The following ATG2B variants were observed in gnomAD, a reference collection of about 807,000 sequenced individuals.
The protein encoded by ATG2B is autophagy-related protein 2 homolog B.
Under a neutral mutation model 241.3 loss-of-function variants are expected in ATG2B, and 121 were observed. The ratio of observed to expected loss-of-function variants is 0.50; its 90% CI spans 0.43 to 0.58. ATG2B has a LOEUF of 0.58. Among genes scored for constraint, ATG2B ranks in the 20% least tolerant of loss-of-function variants. The pLI is 0.00. For missense variants in ATG2B, 2,306 were observed against 2,491.6 expected, an observed-to-expected ratio of 0.93 and a Z score of 1.59; for synonymous variants, 858 against 876.6, an observed-to-expected ratio of 0.98 and a Z score of 0.37.
intron 1 of ATG2B, among the ~76,000 whole-genome samples, chr14:96,348,593 G>T (rs969793999): frequency 2.0e-5 from 3 of 151,216 alleles, no homozygotes; most frequent in Admixed American, 2.0e-4. Flanking sequence ...TGAAACAAAA[G>T]AATCACTTGG....
intron 4 of ATG2B, among the ~76,000 whole-genome samples, chr14:96,344,042 G>A (rs1477247823): frequency 6.6e-6 from 1 of 152,292 alleles, no homozygotes; most frequent in Admixed American, 6.5e-5. Context: ...ATTAACACAC[G>A]GGTGACCAGT....
intron 21 of ATG2B, 138 bp from the exon 22 acceptor site, chr14:96,315,721 T>C: frequency 1.5e-6 from 1 of 657,486 alleles, no homozygotes; most frequent in African/African-American, 1.8e-5. Context: ...AAAACCAGCA[T>C]GGCATTAATA....
chr14:96,321,198 T>C (rs530948969), intron 18 of ATG2B, among the ~76,000 whole-genome samples: 37 of 152,096 alleles, frequency 2.4e-4, no homozygotes, highest in Non-Finnish European at 4.6e-4. Context: ...ATTACTAACA[T>C]TTAAGGAATA....
chr14:96,345,300 TG>T lies in ATG2B; in HGVS notation c.410del (p.Thr137LysfsTer25). The T allele has an allele frequency of 2.5e-6, 4 of 1,613,522 alleles. No individual in the cohort carries two copies. Among genetic ancestry groups the T allele is most frequent in the Non-Finnish European group, 3.4e-6 (4 of 1,179,630 alleles). ...LAKECLSQKL[T>X]DEQGEGSQPF... ...GCTGGGATCCTTCTCCTTGTTCATC[TG>T]TTAGTTTCTGGCTAAGACATTCTTT... On this transcript the variant is annotated frameshift_variant, in exon 3 of 42. Transcript: ENST00000359933. LOFTEE classifies it high-confidence loss of function.
At chr14:96,292,234 T>TTC (rs1886505708) in intron 36 of ATG2B, 136 bp from the exon 37 acceptor site, 2 of 518,286 alleles carry the variant, frequency 3.9e-6, no homozygotes, top group East Asian at 6.3e-5. Context: ...AAGAACTAAA[T>TTC]AAAAGAGAAT....
At chr14:96,291,556 C>A (rs750265101) in intron 38 of ATG2B, 44 bp downstream of exon 38, 13 of 1,435,498 alleles carry the variant, frequency 9.1e-6, no homozygotes, top group Non-Finnish European at 1.1e-5. Flanking sequence ...TGTACACTAA[C>A]TTTGATAACT....
At chr14:96,345,428 TACA>T (rs762777939) in intron 2 of ATG2B, 43 bp from the exon 3 acceptor site, 12 of 1,426,910 alleles carry the variant, frequency 8.4e-6, no homozygotes, top group Non-Finnish European at 1.1e-5. Context: ...TCTTAAGAGT[TACA>T]ACAATGCCAG....
chr14:96,308,868 G>A (rs1316010211), intron 29 of ATG2B, among the ~76,000 whole-genome samples: 1 of 152,068 alleles, frequency 6.6e-6, no homozygotes, highest in South Asian at 2.1e-4. Context: ...AATCACCTGG[G>A]TCCCTCTTTG....
At chr14:96,303,867 T>C (rs952825758) in intron 32 of ATG2B, among the ~76,000 whole-genome samples, 8 of 152,206 alleles carry the variant, frequency 5.3e-5, no homozygotes, top group African/African-American at 1.9e-4. Context: ...AAAATTATTA[T>C]CTTGCATACC....
rs367825018 is a variant in ATG2B, at chr14:96,322,144, A to G, written c.2847T>C (p.Pro949=). Residue 949 remains proline (P), a synonymous_variant, in exon 18 of 42, where the codon CCT becomes CCC. Coordinates refer to ENST00000359933, the MANE Select transcript of ATG2B (RefSeq NM_018036.7). ...AAAGCTTCTCATAAAAGCTCTTATTAGGTAGTGTTACATAAATATTTGGTA... is the reference window on the plus strand; with the variant it reads ...AAAGCTTCTCATAAAAGCTCTTATTGGGTAGTGTTACATAAATATTTGGTA... ...LTLPNIYVTL[P]NKSFYEKLYN... 5.8e-6 allele frequency: 9 copies of G among 1,562,578 alleles called. No homozygotes were observed. The African/African-American group carries it at 8.4e-5, about 15-fold the overall frequency.
In ATG2B at chr14:96,283,180, G is replaced by A. The variant is rs1180280202; in HGVS notation, c.*2575C>T. 6.6e-6 allele frequency: 1 copy of A among 152,172 alleles called. No homozygotes were observed. Among genetic ancestry groups the A allele is most frequent in the Non-Finnish European group, 1.5e-5 (1 of 68,088 alleles). 9.4% of individuals were successfully genotyped at this position (152,172 alleles called of 1,614,324 possible). On this transcript the variant is annotated 3_prime_UTR_variant, in exon 42 of 42. Coordinates refer to ENST00000359933, the MANE Select transcript of ATG2B (RefSeq NM_018036.7). ...GGTCTTAACATGTCAGAACATTGTG[G>A]GGTCCTGCAACTTGCTGACAGATCT...
chr14:96,287,253 CAAAAAAAAAA>C (rs34710412), intron 41 of ATG2B, among the ~76,000 whole-genome samples: 1 of 78,234 alleles, frequency 1.3e-5, no homozygotes, highest in South Asian at 5.5e-4. Context: ...GACTCCGTCT[CAAAAAAAAAA>C]AAAAAAAAAA....
At chr14:96,302,174 T>TAA in intron 33 of ATG2B, 66 bp from the exon 34 acceptor site, 1 of 990,096 alleles carries the variant, frequency 1.0e-6, no homozygotes, top group South Asian at 1.5e-5. Flanking sequence ...TCTTTAAAAA[T>TAA]AAGAAAAAAA....
At chr14:96,336,732 C>G (rs1179274800) in intron 6 of ATG2B, among the ~76,000 whole-genome samples, 1 of 152,128 alleles carries the variant, frequency 6.6e-6, no homozygotes, top group Non-Finnish European at 1.5e-5. Flanking sequence ...ATGCATTCCC[C>G]AGAGACATAA....
chr14:96,346,902 T>C (rs942051484), intron 2 of ATG2B, among the ~76,000 whole-genome samples: 5 of 152,220 alleles, frequency 3.3e-5, no homozygotes, highest in African/African-American at 1.2e-4. Context: ...ACAATACTTT[T>C]TGAATCTTTA....
At chr14:96,297,523 G>A (rs1272270518) in intron 34 of ATG2B, among the ~76,000 whole-genome samples, 1 of 151,956 alleles carries the variant, frequency 6.6e-6, no homozygotes, top group Non-Finnish European at 1.5e-5. Flanking sequence ...TCAGCCTCCT[G>A]AGTAGCTGGG....
intron 37 of ATG2B, 70 bp downstream of exon 37, chr14:96,291,959 A>T: frequency 9.1e-7 from 1 of 1,102,602 alleles, no homozygotes. Context: ...AAGCAAAGTT[A>T]AAAATAAAAA....
chr14:96,316,768 C>A (rs1887325051), intron 20 of ATG2B, 85 bp from the exon 21 acceptor site: 3 of 1,236,512 alleles, frequency 2.4e-6, no homozygotes, highest in Non-Finnish European at 3.4e-6. Context: ...TTTGTTGATT[C>A]AGCTTAGGAA....
intron 41 of ATG2B, among the ~76,000 whole-genome samples, chr14:96,287,789 TTTTTG>T (rs1171684801): frequency 3.3e-5 from 5 of 152,202 alleles, no homozygotes; most frequent in African/African-American, 9.7e-5. Flanking sequence ...TGTTATTTAT[TTTTTG>T]TTTTGTTTTG....
Sources: gnomAD v4.1 joint callset for allele counts (sites outside exome capture counted in the v4.1 genomes callset) on GRCh38, gnomAD v4.1.1 for gene constraint, MANE v1.5 for transcripts, NCBI Gene and HGNC (gene_info 2026-07-23, HGNC 2026-07-21) for gene names.